The following SLC1A6 variants were observed in gnomAD, a reference collection of about 807,000 sequenced individuals.
SLC1A6 encodes the protein excitatory amino acid transporter 4.
SLC1A6 carries 15 observed loss-of-function variants against 42.1 expected under a neutral mutation model. The ratio of observed to expected loss-of-function variants is 0.36; its 90% CI spans 0.24 to 0.55. The LOEUF is 0.55. Ranked by LOEUF, SLC1A6 falls within the 20% of genes least tolerant of loss-of-function variation. SLC1A6 has a pLI of 0.88. For synonymous variants in SLC1A6, 317 were observed against 319.7 expected (o/e 0.99, Z 0.09); for missense variants, 542 against 772.5 (o/e 0.70, Z 3.54).
chr19:14,994,983 A>G (rs909483371), intron 1 of SLC1A6, among the ~76,000 whole-genome samples: 1 of 152,188 alleles, frequency 6.6e-6, no homozygotes, highest in Non-Finnish European at 1.5e-5. Context: ...CAAACACTGC[A>G]TGATCTCACT....
At chr19:14,959,424 T>C (rs2045489745) in intron 6 of SLC1A6, among the ~76,000 whole-genome samples, 1 of 152,234 alleles carries the variant, frequency 6.6e-6, no homozygotes, top group Admixed American at 6.5e-5. Context: ...GGTGTGCTCT[T>C]GCCATTGTTC....
At chr19:14,961,831 G>T in intron 6 of SLC1A6, 171 bp downstream of exon 6, 1 of 955,772 alleles carries the variant, frequency 1.0e-6, no homozygotes, top group Non-Finnish European at 1.5e-6. Context: ...GTCAACTAGT[G>T]ATGAAATCAT....
chr19:14,981,814 G>A (rs78902539), upstream of SLC1A6, among the ~76,000 whole-genome samples: 12,197 of 152,220 alleles, frequency 0.08, 723 homozygotes, highest in East Asian at 0.23. Flanking sequence ...TTTCAATAGA[G>A]AGGCATCCGA....
At chr19:14,987,796 G>A (rs775364832) in intron 1 of SLC1A6, among the ~76,000 whole-genome samples, 22 of 152,126 alleles carry the variant, frequency 1.4e-4, no homozygotes, top group Non-Finnish European at 3.1e-4. Flanking sequence ...GAAAGCATTT[G>A]CAAAGCAACT....
At chr19:14,962,630 G>A (rs1394309897) in intron 5 of SLC1A6, among the ~76,000 whole-genome samples, 3 of 152,038 alleles carry the variant, frequency 2.0e-5, no homozygotes, top group Admixed American at 1.3e-4. Flanking sequence ...ACTACCGGCC[G>A]GGCATGGCTC....
intron 1 of SLC1A6, among the ~76,000 whole-genome samples, chr19:15,009,388 A>C (rs1159798950): frequency 6.6e-6 from 1 of 152,134 alleles, no homozygotes; most frequent in Non-Finnish European, 1.5e-5. Context: ...TATATAGCAG[A>C]TATATATCAC....
At chr19:15,003,688 A>C (rs2045883186) in intron 1 of SLC1A6, among the ~76,000 whole-genome samples, 1 of 151,806 alleles carries the variant, frequency 6.6e-6, no homozygotes, top group Non-Finnish European at 1.5e-5. Flanking sequence ...AGAAAAGAAA[A>C]GAAAAAAGGC....
chr19:14,963,099 A>G (rs1568287668), intron 5 of SLC1A6, among the ~76,000 whole-genome samples: 1 of 152,236 alleles, frequency 6.6e-6, no homozygotes, highest in Non-Finnish European at 1.5e-5. Context: ...TGGTATACAT[A>G]TACAATGAAA....
intron 1 of SLC1A6, among the ~76,000 whole-genome samples, chr19:14,998,276 C>T (rs892388760): frequency 1.3e-5 from 2 of 152,162 alleles, no homozygotes; most frequent in African/African-American, 2.4e-5. Context: ...TGTGATGGCT[C>T]ACCCCTGTAA....
At chr19:14,997,310 A>G (rs1049058095) in intron 1 of SLC1A6, among the ~76,000 whole-genome samples, 1 of 152,154 alleles carries the variant, frequency 6.6e-6, no homozygotes, top group African/African-American at 2.4e-5. Flanking sequence ...CTTCTTACAG[A>G]TATTTACTGA....
At chr19:14,972,610 T>C (rs1336416242) in intron 2 of SLC1A6, 96 bp downstream of exon 2, 4 of 1,003,900 alleles carry the variant, frequency 4.0e-6, no homozygotes, top group African/African-American at 1.6e-5. Context: ...CAGGTGAGAA[T>C]GAAGGGGTGC....
chr19:14,952,294 A>C (rs2045420870), intron 9 of SLC1A6, among the ~76,000 whole-genome samples: 1 of 148,652 alleles, frequency 6.7e-6, no homozygotes, highest in African/African-American at 2.5e-5. Context: ...AAAATAACAA[A>C]TCCCAGCACT....
At chr19:14,983,666 C>T (rs954082787), upstream of SLC1A6, among the ~76,000 whole-genome samples, 34 of 136,238 alleles carry the variant, frequency 2.5e-4, no homozygotes, top group African/African-American at 7.5e-4. Flanking sequence ...CCTGCCTGGG[C>T]GACAGAGCAA....
chr19:15,004,804 A>G (rs1422148747), intron 1 of SLC1A6, among the ~76,000 whole-genome samples: 1 of 152,194 alleles, frequency 6.6e-6, no homozygotes, highest in Admixed American at 6.5e-5. Flanking sequence ...TTAGTTTAAG[A>G]GAGGTATTTA....
intron 5 of SLC1A6, among the ~76,000 whole-genome samples, chr19:14,963,610 T>C (rs546957633): frequency 2.6e-5 from 4 of 152,174 alleles, no homozygotes; most frequent in African/African-American, 9.7e-5. Flanking sequence ...ATTAAAAATA[T>C]TTTTTGAAGA....
intron 1 of SLC1A6, among the ~76,000 whole-genome samples, chr19:15,006,448 A>G (rs2045896014): frequency 6.6e-6 from 1 of 152,190 alleles, no homozygotes; most frequent in South Asian, 2.1e-4. Context: ...GCCAAAGGTT[A>G]TCTGGCCCCA....
intron 1 of SLC1A6, among the ~76,000 whole-genome samples, chr19:14,988,583 T>A (rs1247989517): frequency 6.6e-6 from 1 of 152,168 alleles, no homozygotes; most frequent in Admixed American, 6.6e-5. Context: ...AAAACCACAA[T>A]GAGATATCAC....
At chr19:14,971,174 G>T (rs967015550) in intron 3 of SLC1A6, among the ~76,000 whole-genome samples, 3 of 152,166 alleles carry the variant, frequency 2.0e-5, no homozygotes, top group Non-Finnish European at 4.4e-5. Context: ...TTTACTGTGT[G>T]GGGGTTGGTG....
At chr19:14,999,704 A>G (rs2045864029) in intron 1 of SLC1A6, among the ~76,000 whole-genome samples, 2 of 152,200 alleles carry the variant, frequency 1.3e-5, no homozygotes, top group Admixed American at 1.3e-4. Flanking sequence ...CAATGGTTCA[A>G]CTTGTGATTT....
Sources: gnomAD v4.1 joint callset for allele counts (sites outside exome capture counted in the v4.1 genomes callset) on GRCh38, gnomAD v4.1.1 for gene constraint, MANE v1.5 for transcripts, NCBI Gene and HGNC (gene_info 2026-07-23, HGNC 2026-07-21) for gene names.